The following SPAG17 variants were observed in gnomAD, a reference collection of about 807,000 sequenced individuals.
SPAG17 encodes sperm associated antigen 17.
In SPAG17, 169 loss-of-function variants were observed where a neutral mutation model predicts 273.6. The observed-to-expected ratio is 0.62, with a 90% CI of 0.55 to 0.70. The LOEUF is 0.70. Among genes scored for constraint, SPAG17 ranks in the 30% least tolerant of loss-of-function variants. SPAG17 has a pLI of 0.00. For synonymous variants in SPAG17, 825 were observed against 873.2 expected, an observed-to-expected ratio of 0.94 and a Z score of 0.97; for missense variants, 2,557 against 2,627.8, an observed-to-expected ratio of 0.97 and a Z score of 0.59.
At chr1:118,077,462 T>C (rs1654194528) in intron 15 of SPAG17, among the ~76,000 whole-genome samples, 1 of 152,124 alleles carries the variant, frequency 6.6e-6, no homozygotes, top group African/African-American at 2.4e-5. Flanking sequence ...TATTCCAGAA[T>C]CCAGCACACC....
chr1:117,959,693 C>T, intron 48 of SPAG17: 1 of 324,008 alleles, frequency 3.1e-6, no homozygotes, highest in Non-Finnish European at 5.5e-6. Flanking sequence ...AAAGCTTGAG[C>T]CTTGCAGCTC....
chr1:118,153,008 C>G (rs139975030), intron 1 of SPAG17, among the ~76,000 whole-genome samples: 42 of 152,288 alleles, frequency 2.8e-4, no homozygotes, highest in African/African-American at 9.6e-4. Flanking sequence ...ACCTTTACCC[C>G]CTTATCCCGC....
intron 1 of SPAG17, among the ~76,000 whole-genome samples, chr1:118,165,688 C>T (rs1311730765): frequency 6.7e-6 from 1 of 149,250 alleles, no homozygotes; most frequent in Non-Finnish European, 1.5e-5. Flanking sequence ...CTCTGTCACC[C>T]AGGTTGGACT....
chr1:117,982,615 G>T (rs1054938973), intron 42 of SPAG17, among the ~76,000 whole-genome samples: 13 of 152,252 alleles, frequency 8.5e-5, no homozygotes, highest in Non-Finnish European at 7.4e-5. Flanking sequence ...AAATTCTTCA[G>T]CATGCAGTTC....
At chr1:118,026,330 G>A (rs1647749489) in intron 26 of SPAG17, among the ~76,000 whole-genome samples, 1 of 152,134 alleles carries the variant, frequency 6.6e-6, no homozygotes, top group South Asian at 2.1e-4. Context: ...ACCTAAGCAG[G>A]CTTTGCTAAC....
chr1:118,118,681 G>C (rs950039742), intron 3 of SPAG17, among the ~76,000 whole-genome samples: 1 of 152,152 alleles, frequency 6.6e-6, no homozygotes, highest in Admixed American at 6.5e-5. Context: ...GCTCTACGCT[G>C]AAAGACCAAA....
chr1:117,957,082 C>T (rs761654795), intron 48 of SPAG17: 15 of 1,588,280 alleles, frequency 9.4e-6, no homozygotes, highest in Middle Eastern at 1.7e-4. Context: ...CTGGAAGAAT[C>T]TCTACTTGTG....
At chr1:118,152,073 T>G (rs1489820408) in intron 1 of SPAG17, among the ~76,000 whole-genome samples, 2 of 152,234 alleles carry the variant, frequency 1.3e-5, no homozygotes, top group Non-Finnish European at 2.9e-5. Flanking sequence ...CATTACCAAC[T>G]GTGAGATGCT....
chr1:118,094,945 A>C (rs541859422), intron 7 of SPAG17, among the ~76,000 whole-genome samples: 324 of 152,252 alleles, frequency 2.1e-3, no homozygotes, highest in African/African-American at 7.5e-3. Flanking sequence ...GGCAACACAG[A>C]CCTAATTGGC....
At chr1:118,057,367 A>G (rs984425512) in intron 18 of SPAG17, among the ~76,000 whole-genome samples, 2 of 152,088 alleles carry the variant, frequency 1.3e-5, no homozygotes, top group Non-Finnish European at 2.9e-5. Flanking sequence ...CCCAAAGTAT[A>G]TTCTCAACAT....
intron 43 of SPAG17, among the ~76,000 whole-genome samples, chr1:117,978,907 G>T (rs1655436825): frequency 6.9e-6 from 1 of 143,886 alleles, no homozygotes; most frequent in African/African-American, 2.6e-5. Context: ...CGCTCTTGTT[G>T]CCCAAGCTGG....
intron 5 of SPAG17, 23 bp downstream of exon 5, chr1:118,101,717 G>A (rs774385211): frequency 2.7e-5 from 43 of 1,597,472 alleles, no homozygotes; most frequent in East Asian, 1.3e-4. Flanking sequence ...GAAAGGCACC[G>A]CCGGCAGCAG....
intron 12 of SPAG17, 151 bp downstream of exon 12, chr1:118,086,520 T>G: frequency 1.4e-6 from 1 of 722,090 alleles, no homozygotes; most frequent in Non-Finnish European, 2.2e-6. Flanking sequence ...TAGGTCCATT[T>G]TCCAGGTCCT....
Position 118,091,598 on chromosome 1 carries a change from C to T in SPAG17, c.1359+8G>A. 6.5e-7 allele frequency: 1 copy of T among 1,546,854 alleles called. No individual in the cohort carries two copies. Among genetic ancestry groups the T allele is most frequent in the East Asian group, 2.3e-5 (1 of 44,416 alleles). ...TCAAGTATACAACCTGGGAAAAAGC[C>T]TCCCCACCTGTTCCAGCATACAATG... is the stretch of plus-strand genomic sequence containing the variant. On this transcript the variant is annotated splice_region_variant and intron_variant, in intron 10 of 48. Transcript: ENST00000336338.
At chr1:118,127,225 C>G (rs1340788045) in intron 3 of SPAG17, among the ~76,000 whole-genome samples, 1 of 151,986 alleles carries the variant, frequency 6.6e-6, no homozygotes, top group Admixed American at 6.6e-5. Flanking sequence ...GTGTATTAGG[C>G]CTTTCTTGCA....
intron 2 of SPAG17, 85 bp from the exon 3 acceptor site, chr1:118,150,714 G>A: frequency 1.4e-6 from 1 of 732,750 alleles, no homozygotes; most frequent in Non-Finnish European, 2.2e-6. Context: ...ATATCTAGGT[G>A]ATCTGAAGGG....
At chr1:118,139,242 CA>C (rs1658531189) in intron 3 of SPAG17, among the ~76,000 whole-genome samples, 1 of 151,978 alleles carries the variant, frequency 6.6e-6, no homozygotes, top group Non-Finnish European at 1.5e-5. Context: ...TAGGGAAATG[CA>C]AATTAAAACC....
intron 3 of SPAG17, among the ~76,000 whole-genome samples, chr1:118,117,895 T>C (rs926530833): frequency 3.3e-5 from 5 of 152,362 alleles, no homozygotes; most frequent in East Asian, 1.9e-4. Flanking sequence ...TTGTGAATTA[T>C]TGGAATAATT....
intron 20 of SPAG17, among the ~76,000 whole-genome samples, chr1:118,051,866 C>T (rs1400631025): frequency 7.6e-6 from 1 of 132,242 alleles, no homozygotes; most frequent in Non-Finnish European, 1.6e-5. Flanking sequence ...ATAATATGTA[C>T]TATTATAATA....
Sources: gnomAD v4.1 joint callset for allele counts (sites outside exome capture counted in the v4.1 genomes callset) on GRCh38, gnomAD v4.1.1 for gene constraint, MANE v1.5 for transcripts, NCBI Gene and HGNC (gene_info 2026-07-23, HGNC 2026-07-21) for gene names.